The following PRMT2 variants were observed in gnomAD, a reference collection of about 807,000 sequenced individuals.
PRMT2 encodes protein arginine N-methyltransferase 2.
PRMT2 carries 26 observed loss-of-function variants against 57.6 expected under a neutral mutation model. The ratio of observed to expected loss-of-function variants is 0.45; its 90% CI spans 0.33 to 0.63. The LOEUF (loss-of-function observed/expected upper bound fraction) is 0.63. PRMT2 is among the 20% of genes least tolerant of loss of function. The probability of loss-of-function intolerance (pLI) is 0.02; values close to 1 mark genes in which losing one functional copy is unlikely to be tolerated. For missense variants in PRMT2, 472 were observed against 564.4 expected (o/e 0.84, Z 1.66); for synonymous variants, 219 against 220.0 (o/e 1.00, Z 0.04).
At chr21:46,659,011 G>A (rs1601951580) in intron 8 of PRMT2, 91 bp downstream of exon 8, 7 of 1,495,496 alleles carry the variant, frequency 4.7e-6, no homozygotes, top group East Asian at 4.7e-5. Context: ...GATCCCATAC[G>A]ACGGTTGGAT....
At chr21:46,658,722 G>T in intron 7 of PRMT2, 23 bp from the exon 8 acceptor site, 1 of 1,611,982 alleles carries the variant, frequency 6.2e-7, no homozygotes, top group Non-Finnish European at 8.5e-7. Context: ...TGTGTCTCCT[G>T]TGTGTCTTTC....
intron 2 of PRMT2, 101 bp downstream of exon 2, chr21:46,636,648 A>G: frequency 2.8e-6 from 1 of 360,266 alleles, no homozygotes; most frequent in Non-Finnish European, 5.0e-6. Context: ...AGAAACTAAC[A>G]GGCTTCAGCA....
At chr21:46,646,634 T>C (rs565987651) in intron 5 of PRMT2, among the ~76,000 whole-genome samples, 1 of 152,344 alleles carries the variant, frequency 6.6e-6, no homozygotes, top group South Asian at 2.1e-4. Flanking sequence ...TAATAGCTTT[T>C]TATCATGATA....
chr21:46,651,787 C>A, intron 7 of PRMT2: 1 of 1,612,618 alleles, frequency 6.2e-7, no homozygotes. Context: ...TTGTACCCAC[C>A]TTCACTTTCC....
intron 3 of PRMT2, among the ~76,000 whole-genome samples, chr21:46,639,394 C>T (rs1044562150): frequency 4.6e-5 from 7 of 152,004 alleles, no homozygotes; most frequent in African/African-American, 1.7e-4. Flanking sequence ...ATCTCTATAT[C>T]TTTTCTGATT....
intron 3 of PRMT2, among the ~76,000 whole-genome samples, chr21:46,641,902 T>C (rs755669367): frequency 3.3e-5 from 5 of 151,938 alleles, no homozygotes; most frequent in Non-Finnish European, 7.4e-5. Flanking sequence ...TGAGTCATGC[T>C]CCTGGCATAG....
At chr21:46,653,218 T>C in intron 7 of PRMT2, 1 of 985,386 alleles carries the variant, frequency 1.0e-6, no homozygotes, top group Non-Finnish European at 1.2e-6. Flanking sequence ...ATGTAATAAT[T>C]CTCTTCACAC....
Position 46,644,449 on chromosome 21 carries a change from G to A in PRMT2, c.288G>A (p.Thr96=), listed in dbSNP as rs745602625. The A allele has an allele frequency of 8.8e-6, 14 of 1,597,366 alleles. No homozygotes were observed. The highest frequency in any genetic ancestry group is 1.7e-4 in the Middle Eastern group (1 of 6,028). The change falls in exon 5 of 12, where the codon ACG becomes ACA. Residue 96 remains threonine (T), a synonymous_variant. Coordinates refer to ENST00000355680, the MANE Select transcript of PRMT2 (RefSeq NM_206962.4). Reference sequence around the variant, plus strand: ...TGGATGAGTACGACCCCGAGGACACGTGGCAGGATGAAGAGTACTTCGGCA... The same window carrying A: ...TGGATGAGTACGACCCCGAGGACACATGGCAGGATGAAGAGTACTTCGGCA... The part of the protein sequence containing the change: ...KHVDEYDPED[T]WQDEEYFGSY...
At chr21:46,652,427 A>G in intron 7 of PRMT2, 1 of 1,056,906 alleles carries the variant, frequency 9.5e-7, no homozygotes, top group Non-Finnish European at 1.1e-6. Flanking sequence ...GAAAAGCATA[A>G]GATAAAGGTA....
Position 46,636,962 on chromosome 21 carries a change from C to T in PRMT2, c.11C>T (p.Ser4Leu). ...GAGCCTAAGAGAACTATGGCAACAT[C>T]AGGTGACTGTCCCAGAAGTGAATCG... is the stretch of plus-strand genomic sequence containing the variant. The part of the protein sequence containing the change: MAT[S>L]GDCPRSESQG... Residue 4 changes from serine to leucine, a missense_variant, in exon 3 of 12, where the codon TCA becomes TTA. Physicochemically the swap from Ser to Leu is moderately radical, Grantham distance 145. Transcript: ENST00000355680. The T allele has an allele frequency of 6.2e-7, 1 of 1,613,784 alleles. No homozygotes were observed. The highest frequency in any genetic ancestry group is 8.5e-7 in the Non-Finnish European group (1 of 1,179,902).
chr21:46,655,363 AC>A (rs1418768527), intron 7 of PRMT2, among the ~76,000 whole-genome samples: 1 of 152,194 alleles, frequency 6.6e-6, no homozygotes, highest in African/African-American at 2.4e-5. Context: ...ATACACCATA[AC>A]AAAAAAAGAA....
At chr21:46,653,890 C>A in intron 7 of PRMT2, 2 of 1,014,538 alleles carry the variant, frequency 2.0e-6, no homozygotes, top group Non-Finnish European at 2.4e-6. Context: ...CAACAATGCA[C>A]TTTGTCTGCA....
At chr21:46,663,286 G>T in intron 10 of PRMT2, 97 bp from the exon 11 acceptor site, 2 of 1,250,756 alleles carry the variant, frequency 1.6e-6, no homozygotes, top group Non-Finnish European at 2.2e-6. Flanking sequence ...GGTGCTGTTG[G>T]GGGCGAGAGC....
At chr21:46,658,149 G>T (rs1342249266) in intron 7 of PRMT2, 1 of 152,474 alleles carries the variant, frequency 6.6e-6, no homozygotes, top group Non-Finnish European at 1.5e-5. Context: ...TGTGTTTGAA[G>T]CAAGTTCTGG....
At chr21:46,659,968 A>G (rs2061596037) in intron 8 of PRMT2, 1 of 983,822 alleles carries the variant, frequency 1.0e-6, no homozygotes, top group African/African-American at 1.7e-5. Context: ...ATTTATATAA[A>G]TATGTCTGGG....
Position 46,658,889 on chromosome 21 carries a change from A to G in PRMT2, c.799A>G (p.Asn267Asp). The part of the protein sequence containing the change: ...DYRSKVLFWD[N>D]AYEFNLSALK... Reference sequence around the variant, plus strand: ...TCGTAGCAAGGTGCTCTTCTGGGACAACGCGTACGAGTTCAACCTCAGCGC... The same window carrying G: ...TCGTAGCAAGGTGCTCTTCTGGGACGACGCGTACGAGTTCAACCTCAGCGC... The change falls in exon 8 of 12, where the codon AAC becomes GAC. Residue 267 changes from asparagine to aspartate, a missense_variant. Physicochemically the swap from Asn to Asp is conservative, Grantham distance 23. Around this residue, in one of 2 missense-constraint regions of PRMT2, gnomAD observed 229 missense variants for 217.2 expected, o/e 1.05. Transcript: ENST00000355680. The G allele has an allele frequency of 6.2e-7, 1 of 1,614,130 alleles. No individual in the cohort carries two copies. Among genetic ancestry groups the G allele is most frequent in the Non-Finnish European group, 8.5e-7 (1 of 1,179,992 alleles).
At chr21:46,659,118 G>C in intron 8 of PRMT2, 198 bp downstream of exon 8, 1 of 1,316,030 alleles carries the variant, frequency 7.6e-7, no homozygotes, top group Non-Finnish European at 9.7e-7. Context: ...GGGCAGAGCA[G>C]GGTAGAATGC....
chr21:46,637,816 A>G (rs1349106626), intron 3 of PRMT2, among the ~76,000 whole-genome samples: 1 of 152,086 alleles, frequency 6.6e-6, no homozygotes, highest in East Asian at 1.9e-4. Context: ...TGTAAAAAAT[A>G]CTGTCGGGTG....
intron 3 of PRMT2, among the ~76,000 whole-genome samples, chr21:46,640,528 G>A (rs1309283421): frequency 2.8e-5 from 4 of 144,862 alleles, no homozygotes; most frequent in South Asian, 2.2e-4. Context: ...TGCAAGCTCC[G>A]CCTCCTGGGT....
Sources: gnomAD v4.1 joint callset for allele counts (sites outside exome capture counted in the v4.1 genomes callset) on GRCh38, gnomAD v4.1.1 for gene constraint, gnomAD v4.1.1 regional missense constraint, MANE v1.5 for transcripts, NCBI Gene and HGNC (gene_info 2026-07-23, HGNC 2026-07-21) for gene names.